The following HSH2D variants were observed in gnomAD, a reference collection of about 807,000 sequenced individuals.
The protein encoded by HSH2D is hematopoietic SH2 domain containing.
HSH2D carries 16 observed loss-of-function variants against 21.5 expected under a neutral mutation model. The ratio of observed to expected loss-of-function variants is 0.74; its 90% confidence interval spans 0.50 to 1.13. HSH2D has a LOEUF of 1.13. Among genes scored for constraint, HSH2D ranks in the 50% most tolerant of loss-of-function variants. The probability of loss-of-function intolerance (pLI) is 0.00; values close to 1 mark genes in which losing one functional copy is unlikely to be tolerated. For synonymous variants in HSH2D, 172 were observed against 184.7 expected (o/e 0.93, Z 0.56); for missense variants, 418 against 441.4 (o/e 0.95, Z 0.47).
intron 1 of HSH2D, among the ~76,000 whole-genome samples, chr19:16,138,670 C>T (rs1157533663): frequency 6.6e-6 from 1 of 152,032 alleles, no homozygotes; most frequent in Non-Finnish European, 1.5e-5. Flanking sequence ...GTTGGCCAGG[C>T]TGGTCTCGAT....
rs2091260547 is a variant in HSH2D at position 16,158,012 on chromosome 19, G to A, written c.*218G>A. 1.9e-6 allele frequency: 1 copy of A among 514,802 alleles called. No individual in the cohort carries two copies. Among genetic ancestry groups the A allele is most frequent in the African/African-American group, 1.9e-5 (1 of 52,066 alleles). 31.9% of individuals were successfully genotyped at this position (514,802 alleles called of 1,614,324 possible). ...ATCAGAGTGACGCTGATGGTTTGGG[G>A]CACCAGCTATACATCAGCCCCAGTG... On this transcript the variant is annotated 3_prime_UTR_variant, in exon 6 of 6. Transcript: ENST00000613986.
rs1174682023 is a variant in HSH2D, at chr19:16,153,169, T to C, written c.342T>C (p.Ile114=). 3.2e-6 allele frequency: 5 copies of C among 1,570,370 alleles called. 1 individual carries two copies. The highest frequency in any genetic ancestry group is 4.3e-6 in the Non-Finnish European group (5 of 1,158,984). The change falls in exon 4 of 6, where the codon ATT becomes ATC. Residue 114 remains isoleucine (I), a synonymous_variant. Transcript: ENST00000613986. ...ALVTFHQQKP[I]EPRRELLTQP... The stretch of plus-strand genomic sequence containing the variant: ...TCACCTTCCACCAGCAGAAGCCAAT[T>C]GAGCCGCGCAGGGAGCTGCTGACAC...
chr19:16,140,015 CGTT>C (rs2090989602), upstream of HSH2D: 1 of 152,060 alleles, frequency 6.6e-6, no homozygotes, highest in South Asian at 2.1e-4. Context: ...GAGGTTGGGC[CGTT>C]TGTGGTGAGG....
At chr19:16,143,392 C>G (rs562524330), upstream of HSH2D, among the ~76,000 whole-genome samples, 1 of 152,166 alleles carries the variant, frequency 6.6e-6, no homozygotes, top group South Asian at 2.1e-4. Context: ...TCCCCGTTCT[C>G]CCTTTGTAAT....
chr19:16,136,248 C>G (rs1209708281), intron 1 of HSH2D, among the ~76,000 whole-genome samples: 3 of 152,204 alleles, frequency 2.0e-5, no homozygotes, highest in Non-Finnish European at 4.4e-5. Context: ...GGGAAACTTG[C>G]TTTCTTTCCA....
intron 1 of HSH2D, among the ~76,000 whole-genome samples, chr19:16,137,285 T>A (rs1187591782): frequency 2.0e-5 from 3 of 152,064 alleles, no homozygotes; most frequent in Non-Finnish European, 2.9e-5. Flanking sequence ...GATATCAGCA[T>A]CATCACTGTC....
At chr19:16,152,703 G>T (rs1037522600) in intron 3 of HSH2D, 62 bp downstream of exon 3, 1 of 1,213,740 alleles carries the variant, frequency 8.2e-7, no homozygotes, top group Non-Finnish European at 1.2e-6. Flanking sequence ...CTTGGAGGGG[G>T]CAAGGGGTGC....
chr19:16,135,440 A>G (rs372895731), intron 1 of HSH2D, among the ~76,000 whole-genome samples: 1 of 151,282 alleles, frequency 6.6e-6, no homozygotes, highest in African/African-American at 2.4e-5. Flanking sequence ...AAAAAAAAAC[A>G]AAAAACCTCC....
chr19:16,142,211 G>T (rs192199784), upstream of HSH2D: 2 of 152,298 alleles, frequency 1.3e-5, no homozygotes, highest in Admixed American at 1.3e-4. Flanking sequence ...CAAGGCCTTT[G>T]TGCCTGCTCT....
At chr19:16,149,300 T>C (rs1174085008) in intron 2 of HSH2D, among the ~76,000 whole-genome samples, 1 of 152,190 alleles carries the variant, frequency 6.6e-6, no homozygotes, top group Non-Finnish European at 1.5e-5. Flanking sequence ...CCTCCCGGAC[T>C]CAAGTGATTC....
chr19:16,150,429 CTCG>C (rs2091132547), intron 2 of HSH2D, among the ~76,000 whole-genome samples: 1 of 151,826 alleles, frequency 6.6e-6, no homozygotes, highest in Non-Finnish European at 1.5e-5. Context: ...ATCCCAGCTA[CTCG>C]AGAGGCTGAG....
At chr19:16,144,938 T>C (rs1210052985) in intron 1 of HSH2D, among the ~76,000 whole-genome samples, 5 of 151,460 alleles carry the variant, frequency 3.3e-5, no homozygotes, top group Admixed American at 3.3e-4. Context: ...GTGATCTGCC[T>C]GCCTCAGCCT....
At chr19:16,147,387 G>A (rs1198233239) in intron 1 of HSH2D, among the ~76,000 whole-genome samples, 1 of 151,234 alleles carries the variant, frequency 6.6e-6, no homozygotes, top group East Asian at 2.0e-4. Context: ...GGGGGACTGA[G>A]GTGGGAGAAT....
In HSH2D at chr19:16,143,705, T is replaced by A. The variant is rs1357272196; in HGVS notation, c.-97T>A. 2.0e-5 allele frequency: 9 copies of A among 451,238 alleles called. No homozygotes were observed. In the East Asian group the frequency reaches 5.8e-4, roughly 29 times the overall value. The allele number at this position is 451,238 out of a possible 1,614,324, so 28.0% of individuals were successfully genotyped here. On this transcript the variant is annotated 5_prime_UTR_variant, in exon 1 of 6. Coordinates refer to ENST00000613986, the MANE Select transcript of HSH2D (RefSeq NM_001382417.1). The stretch of plus-strand genomic sequence containing the variant: ...GCCCCATTGACGTGCAGACCTTGAA[T>A]CGAAACCCAGGCTCCTGCAGGCACT...
chr19:16,150,735 G>A (rs755679242), intron 2 of HSH2D, among the ~76,000 whole-genome samples: 8 of 151,834 alleles, frequency 5.3e-5, no homozygotes, highest in Non-Finnish European at 8.8e-5. Context: ...GAACATGCCT[G>A]TGGTTCTGGC....
chr19:16,146,453 A>T (rs1323165250), intron 1 of HSH2D, among the ~76,000 whole-genome samples: 1 of 152,096 alleles, frequency 6.6e-6, no homozygotes, highest in Non-Finnish European at 1.5e-5. Context: ...AGGTGTTAGG[A>T]TTGCTTGAGC....
In HSH2D at chr19:16,157,317, C is replaced by T. The variant is rs752081810; in HGVS notation, c.582C>T (p.Ser194=). ...CCACTTCCTCCTGCCCCCCAAAATCCCCTCTTGGAGAGACCCGCCAGAAAC... is the reference window on the plus strand; with the variant it reads ...CCACTTCCTCCTGCCCCCCAAAATCTCCTCTTGGAGAGACCCGCCAGAAAC... The part of the protein sequence containing the change: ...KEATSSCPPK[S]PLGETRQKLW... Residue 194 remains serine, a synonymous_variant, in exon 6 of 6, where the codon TCC becomes TCT. Transcript: ENST00000613986. This position sits in a 1 kb window ranked among gnomAD's most constrained non-coding sequence, Gnocchi z 4.4. The T allele has an allele frequency of 1.9e-6, 3 of 1,613,094 alleles. No homozygotes were observed. Among genetic ancestry groups the T allele is most frequent in the African/African-American group, 2.7e-5 (2 of 74,842 alleles).
intron 5 of HSH2D, among the ~76,000 whole-genome samples, chr19:16,156,919 G>A (rs904777230): frequency 6.6e-6 from 1 of 151,986 alleles, no homozygotes; most frequent in Admixed American, 6.6e-5. Context: ...CCAGGAGGTG[G>A]AGGTTGCAGT....
chr19:16,154,174 C>T (rs1006520624), intron 4 of HSH2D, among the ~76,000 whole-genome samples: 1 of 148,246 alleles, frequency 6.7e-6, no homozygotes. Flanking sequence ...CTCCCAAGAA[C>T]GTGCTATGGG....
Sources: gnomAD v4.1 joint callset for allele counts (sites outside exome capture counted in the v4.1 genomes callset) on GRCh38, gnomAD v4.1.1 for gene constraint, Gnocchi (gnomAD v3.1) non-coding constraint, MANE v1.5 for transcripts, NCBI Gene and HGNC (gene_info 2026-07-23, HGNC 2026-07-21) for gene names.